Variants in CDKN2AIPNL observed in about 807,000 individuals in gnomAD.
CDKN2AIPNL encodes XRN2 binding domain containing 1, also known as CDKN2AIP N-terminal-like protein.
A neutral mutation model predicts 12.9 loss-of-function variants in CDKN2AIPNL; 9 were observed. The ratio of observed to expected loss-of-function variants is 0.70; its 90% CI spans 0.42 to 1.22. The LOEUF is 1.22. Ranked by LOEUF, CDKN2AIPNL falls within the 50% of genes most tolerant of loss-of-function variation. The probability of loss-of-function intolerance (pLI) is 0.00; values close to 1 mark genes in which losing one functional copy is unlikely to be tolerated. For missense variants in CDKN2AIPNL, 143 were observed against 153.6 expected (o/e 0.93, Z 0.37); for synonymous variants, 53 against 61.7 (o/e 0.86, Z 0.66).
At position 134,411,178 on chromosome 5, in the gene CDKN2AIPNL, G is replaced by A. The variant is rs955998363; in HGVS notation, c.239+438C>T. ...CCTGCCAGAAGCTGCATGGCCCCAG[G>A]TATATCACTTCTCTCCCTAAGCTTT... On this transcript the variant is annotated intron_variant, in intron 1 of 2. Transcript: ENST00000458198. 24 of 693,978 alleles carry A rather than the reference G, an allele frequency of 3.5e-5. No individual in the cohort carries two copies. The African/African-American group carries it at 4.2e-4, about 12-fold the overall frequency. The allele number at this position is 693,978 out of a possible 1,614,324, so 43.0% of individuals were successfully genotyped here. A position where few individuals can be genotyped will look rare whatever the true frequency, so the allele number is the denominator to read the frequency against.
In CDKN2AIPNL at chr5:134,411,720, C is replaced by T. The variant is rs757083179; in HGVS notation, c.135G>A (p.Leu45=). 6.2e-7 allele frequency: 1 copy of T among 1,613,206 alleles called. No individual in the cohort carries two copies. The highest frequency in any genetic ancestry group is 2.2e-5 in the East Asian group (1 of 44,854). The change falls in exon 1 of 3, where the codon CTG becomes CTA. Residue 45 remains leucine, a synonymous_variant. Transcript: ENST00000458198. ...GGTCGCGGTAGTCGGGCAGGTGGCG[C>T]AGGATGAATTCCATGCGGGCCTTCC... ...KQWKARMEFI[L]RHLPDYRDPP...
In CDKN2AIPNL at chr5:134,409,959, C is replaced by T. The variant is rs150095207; in HGVS notation, c.283G>A (p.Gly95Arg). The change falls in exon 2 of 3, where the codon GGG (glycine) becomes AGG (arginine). Residue 95 changes from glycine (G) to arginine (R), a missense_variant. Gly to Arg is a moderately radical substitution (Grantham distance 125). Transcript: ENST00000458198. ...LLDKVMEMAD[G>R]IEVEDLPQFT... ...TGTGGCAGGTCTTCCACTTCAATCC[C>T]ATCGGCCATTTCCATCACCTTGTCT... The T allele has an allele frequency of 1.2e-6, 2 of 1,612,948 alleles. No individual in the cohort carries two copies. Among genetic ancestry groups the T allele is most frequent in the African/African-American group, 1.3e-5 (1 of 74,888 alleles).
chr5:134,411,401 C>T (rs751409417), intron 1 of CDKN2AIPNL, among the ~76,000 whole-genome samples: 2 of 152,200 alleles, frequency 1.3e-5, no homozygotes, highest in Non-Finnish European at 2.9e-5. Context: ...CCATCATAAC[C>T]ACCCTTTTAC....
chr5:134,411,839 C>G lies in CDKN2AIPNL; in HGVS notation c.16G>C (p.Ala6Pro), dbSNP rs753432545. 2 of 1,569,076 alleles carry G rather than the reference C, an allele frequency of 1.3e-6. No homozygotes were observed. Among genetic ancestry groups the G allele is most frequent in the Admixed American group, 3.7e-5 (2 of 54,072 alleles). MVGGEAAAAVEELVSG... is the reference protein window; with the variant it reads MVGGEPAAAVEELVSG... ...ACCAGCTCCTCCACTGCGGCAGCCG[C>G]CTCGCCACCGACCATGGTGCCCGCC... Residue 6 changes from alanine (A) to proline (P), a missense_variant, in exon 1 of 3, where the codon GCG (alanine) becomes CCG (proline). This residue lies in a region of CDKN2AIPNL where 30 missense variants were observed against 25.2 expected (regional missense o/e 1.19). Transcript: ENST00000458198.
intron 1 of CDKN2AIPNL, chr5:134,410,818 A>G: frequency 1.7e-6 from 1 of 589,078 alleles, no homozygotes. Flanking sequence ...AGGTATAGAA[A>G]CCAAGATCAA....
rs377204628 is a variant in CDKN2AIPNL at position 134,402,636 on chromosome 5, TGAAAACA to T, written c.*272_*278del. The T allele has an allele frequency of 8.3e-3, 2,561 of 307,652 alleles. 38 individuals are homozygous for T. The highest frequency in any genetic ancestry group is 0.043 in the African/African-American group (2,006 of 46,212). 19.1% of individuals were successfully genotyped at this position (307,652 alleles called of 1,614,324 possible). ...CTTGTCGATAAGAAAAAAAAAAACC[TGAAAACA>T]GAAAAGAGGGCTTTTACAATGTTGA... On this transcript the variant is annotated 3_prime_UTR_variant, in exon 3 of 3. Transcript: ENST00000458198.
intron 2 of CDKN2AIPNL, among the ~76,000 whole-genome samples, chr5:134,406,816 G>T (rs1759111475): frequency 6.6e-6 from 1 of 152,234 alleles, no homozygotes; most frequent in Admixed American, 6.5e-5. Context: ...GCTGCGGGTA[G>T]CCGTGAGCAA....
chr5:134,405,746 C>T (rs182306483), intron 2 of CDKN2AIPNL, among the ~76,000 whole-genome samples: 7 of 152,296 alleles, frequency 4.6e-5, no homozygotes, highest in Non-Finnish European at 7.4e-5. Context: ...GCCATTTTCC[C>T]TCTTGGGATA....
intron 1 of CDKN2AIPNL, chr5:134,410,434 C>G (rs779265079): frequency 6.1e-6 from 1 of 163,506 alleles, no homozygotes. Context: ...CCTGTGAACA[C>G]TTCTTGCTTG....
At position 134,410,918 on chromosome 5, in the gene CDKN2AIPNL, G is replaced by A. The variant is rs1759181778; in HGVS notation, c.239+698C>T. ...AAGATTTGCCACCTTCCTCATGGAGGGGTGAAAGGAATGCCTTATCAGGCA... is the reference window on the plus strand; with the variant it reads ...AAGATTTGCCACCTTCCTCATGGAGAGGTGAAAGGAATGCCTTATCAGGCA... On this transcript the variant is annotated intron_variant, in intron 1 of 2. Coordinates refer to ENST00000458198, the MANE Select transcript of CDKN2AIPNL (RefSeq NM_080656.3). 1.1e-5 allele frequency: 7 copies of A among 663,152 alleles called. 1 individual carries two copies. The highest frequency in any genetic ancestry group is 4.6e-5 in the Admixed American group (2 of 43,124). 41.1% of individuals were successfully genotyped at this position (663,152 alleles called of 1,614,324 possible).
chr5:134,407,483 A>G (rs1759122496), intron 2 of CDKN2AIPNL, among the ~76,000 whole-genome samples: 1 of 152,200 alleles, frequency 6.6e-6, no homozygotes, highest in Admixed American at 6.6e-5. Flanking sequence ...ATAAAAAATC[A>G]GAAAACCTTG....
intron 2 of CDKN2AIPNL, among the ~76,000 whole-genome samples, chr5:134,409,700 C>CA (rs1420421377): frequency 6.6e-6 from 1 of 152,130 alleles, no homozygotes; most frequent in Admixed American, 6.5e-5. Context: ...GTTACCTCAT[C>CA]AACAATGCAT....
Position 134,411,110 on chromosome 5 carries a change from G to A in CDKN2AIPNL, c.239+506C>T, listed in dbSNP as rs1180556201. 3 of 702,524 alleles carry A rather than the reference G, an allele frequency of 4.3e-6. No individual in the cohort carries two copies. In the Admixed American group the frequency reaches 6.0e-5, roughly 14 times the overall value. The allele number at this position is 702,524 out of a possible 1,614,324, so 43.5% of individuals were successfully genotyped here. A position where few individuals can be genotyped will look rare whatever the true frequency, so the allele number is the denominator to read the frequency against. On this transcript the variant is annotated intron_variant, in intron 1 of 2. Transcript: ENST00000458198. ...GTGGAGTGAGGAGAAAAAGCCATAG[G>A]ATACAGATTACATCCTCTCATTAGT... is the stretch of plus-strand genomic sequence containing the variant.
chr5:134,404,473 G>A lies in CDKN2AIPNL; in HGVS notation c.340-1547C>T, dbSNP rs778881548. On this transcript the variant is annotated intron_variant, in intron 2 of 2. Coordinates refer to ENST00000458198, the MANE Select transcript of CDKN2AIPNL (RefSeq NM_080656.3). ...CGAGTAGCTGGGACCACAGGCATGC[G>A]CAACTATGCCCAGGTAGTTTTTATT... is the stretch of plus-strand genomic sequence containing the variant. 9.9e-5 allele frequency among the ~76,000 whole-genome samples: 15 copies of A among 151,986 alleles called. 1 individual carries two copies. The highest frequency in any genetic ancestry group is 2.2e-4 in the Non-Finnish European group (15 of 67,990).
At position 134,402,866 on chromosome 5, in the gene CDKN2AIPNL, T is replaced by G. The variant is rs749058708; in HGVS notation, c.*49A>C. 10 of 1,580,824 alleles carry G rather than the reference T, an allele frequency of 6.3e-6. 1 individual carries two copies. In the Admixed American group the frequency reaches 1.7e-4, roughly 27 times the overall value. On this transcript the variant is annotated 3_prime_UTR_variant, in exon 3 of 3. Transcript: ENST00000458198. The stretch of plus-strand genomic sequence containing the variant: ...GGTCTATGTCACATTCATCCCAGCC[T>G]CCTTTCTAATCCTGTAGCTGATGAT...
At chr5:134,407,318 A>G (rs1290599731) in intron 2 of CDKN2AIPNL, among the ~76,000 whole-genome samples, 1 of 151,008 alleles carries the variant, frequency 6.6e-6, no homozygotes, top group Non-Finnish European at 1.5e-5. Context: ...GTCTATAGAT[A>G]ATGTTTGGGA....
At chr5:134,403,346 A>G (rs1759056645) in intron 2 of CDKN2AIPNL, among the ~76,000 whole-genome samples, 1 of 152,224 alleles carries the variant, frequency 6.6e-6, no homozygotes, top group African/African-American at 2.4e-5. Context: ...AAGGTTATAT[A>G]TTTCTGGATT....
chr5:134,402,971 G>C, intron 2 of CDKN2AIPNL, 45 bp from the exon 3 acceptor site: 1 of 1,561,078 alleles, frequency 6.4e-7, no homozygotes, highest in East Asian at 2.2e-5. Flanking sequence ...ATGTAGTCCA[G>C]TGAATCAAAT....
chr5:134,403,379 A>T (rs1759056857), intron 2 of CDKN2AIPNL, among the ~76,000 whole-genome samples: 1 of 152,218 alleles, frequency 6.6e-6, no homozygotes, highest in Non-Finnish European at 1.5e-5. Flanking sequence ...AAACTGTAAA[A>T]GCTTGTCTTC....
Sources: allele counts gnomAD v4.1 joint callset (sites outside exome capture counted in the v4.1 genomes callset), GRCh38; gene constraint gnomAD v4.1.1; regional missense constraint gnomAD v4.1.1; transcripts MANE v1.5; gene names NCBI Gene and HGNC (gene_info 2026-07-23, HGNC 2026-07-21).